Variants in ZNF407 observed in about 807,000 individuals in gnomAD.
ZNF407 encodes the protein zinc finger protein 407.
Under a neutral mutation model 131.2 loss-of-function variants are expected in ZNF407, and 17 were observed. The ratio of observed to expected loss-of-function variants is 0.13; its 90% CI spans 0.09 to 0.19. The LOEUF (loss-of-function observed/expected upper bound fraction) is 0.19. ZNF407 is among the 10% of genes least tolerant of loss of function. The pLI is 1.00. For missense variants in ZNF407, 2,681 were observed against 2,830.6 expected (o/e 0.95, Z 1.20); for synonymous variants, 1,156 against 1,062.0 (o/e 1.09, Z -1.72).
At chr18:75,013,279 C>A (rs1487216505) in intron 8 of ZNF407, among the ~76,000 whole-genome samples, 2 of 152,016 alleles carry the variant, frequency 1.3e-5, no homozygotes, top group Non-Finnish European at 2.9e-5. Context: ...TCGTTTTTCT[C>A]TTTCTTAGAA....
At chr18:74,937,377 A>G (rs1972050682) in intron 8 of ZNF407, among the ~76,000 whole-genome samples, 1 of 152,250 alleles carries the variant, frequency 6.6e-6, no homozygotes, top group Non-Finnish European at 1.5e-5. Flanking sequence ...GGTAGAAAAA[A>G]TGAGGTAAAA....
chr18:74,772,885 C>A (rs932444939), intron 3 of ZNF407, among the ~76,000 whole-genome samples: 5 of 152,004 alleles, frequency 3.3e-5, no homozygotes, highest in Non-Finnish European at 5.9e-5. Flanking sequence ...AAAGAAAAGT[C>A]TTGGTAGCAA....
chr18:74,845,994 T>C (rs1197507744), intron 4 of ZNF407, among the ~76,000 whole-genome samples: 1 of 152,184 alleles, frequency 6.6e-6, no homozygotes, highest in Non-Finnish European at 1.5e-5. Flanking sequence ...CTAAGTAAAA[T>C]AATTCCTTGA....
intron 7 of ZNF407, among the ~76,000 whole-genome samples, chr18:74,904,673 C>T (rs1006731000): frequency 1.3e-5 from 2 of 152,066 alleles, no homozygotes; most frequent in Non-Finnish European, 2.9e-5. Context: ...ATGTTAAAGT[C>T]GGTGCCGCTT....
intron 8 of ZNF407, among the ~76,000 whole-genome samples, chr18:74,997,641 T>C (rs1012786090): frequency 6.6e-6 from 1 of 152,140 alleles, no homozygotes; most frequent in Admixed American, 6.5e-5. Context: ...CTTTGGAATG[T>C]TGGGGACAGA....
chr18:74,597,960 C>CG (rs1025121052), intron 1 of ZNF407, 23 bp downstream of exon 1: 2 of 143,618 alleles, frequency 1.4e-5, no homozygotes, highest in Non-Finnish European at 3.0e-5. Flanking sequence ...CTGGCCGGGG[C>CG]GGGGGGTTTG....
intron 8 of ZNF407, among the ~76,000 whole-genome samples, chr18:75,050,925 T>A (rs1973493247): frequency 1.3e-5 from 2 of 152,226 alleles, no homozygotes; most frequent in African/African-American, 2.4e-5. Context: ...CTCTTTCTCT[T>A]ACCTGGAGGA....
rs115100581 is a variant in ZNF407, at chr18:74,750,347, G to A, written c.4803-31081G>A. 3.4e-3 allele frequency among the ~76,000 whole-genome samples: 516 copies of A among 152,240 alleles called. 2 individuals carry two copies. The highest frequency in any genetic ancestry group is 0.012 in the African/African-American group (503 of 41,530). On this transcript the variant is annotated intron_variant, in intron 3 of 8. Transcript: ENST00000299687. Reference sequence around the variant, plus strand: ...TTAAAATAAAACCTAAATGAGTGGTGCAGTATGTTCTTTTTCAGCTGAGGG... The same window carrying A: ...TTAAAATAAAACCTAAATGAGTGGTACAGTATGTTCTTTTTCAGCTGAGGG...
intron 4 of ZNF407, among the ~76,000 whole-genome samples, chr18:74,870,332 G>A (rs568980137): frequency 6.6e-6 from 1 of 152,166 alleles, no homozygotes; most frequent in South Asian, 2.1e-4. Flanking sequence ...TGTTAATTAG[G>A]CTAATTATCA....
At chr18:74,768,261 T>C (rs1404061981) in intron 3 of ZNF407, among the ~76,000 whole-genome samples, 3 of 152,188 alleles carry the variant, frequency 2.0e-5, no homozygotes, top group African/African-American at 7.2e-5. Context: ...CAGTCAAGTA[T>C]GGAGTGCTGG....
chr18:74,711,640 A>G (rs555047585), intron 3 of ZNF407, among the ~76,000 whole-genome samples: 163 of 152,336 alleles, frequency 1.1e-3, no homozygotes, highest in Non-Finnish European at 1.9e-3. Context: ...TGTGTGTTTT[A>G]CTAAGTTTGT....
At chr18:74,614,264 G>T (rs760125846) in intron 1 of ZNF407, among the ~76,000 whole-genome samples, 37 of 152,114 alleles carry the variant, frequency 2.4e-4, no homozygotes, top group Admixed American at 8.5e-4. Context: ...AATCTTCAGG[G>T]TACAAAATCT....
intron 3 of ZNF407, among the ~76,000 whole-genome samples, chr18:74,716,032 G>T (rs1967886118): frequency 6.6e-6 from 1 of 152,196 alleles, no homozygotes; most frequent in African/African-American, 2.4e-5. Flanking sequence ...ATCAGGAAAG[G>T]GTGCTGGGTT....
chr18:74,664,285 A>C (rs1368550081), intron 3 of ZNF407, among the ~76,000 whole-genome samples: 1 of 152,196 alleles, frequency 6.6e-6, no homozygotes, highest in African/African-American at 2.4e-5. Flanking sequence ...GGATCACCTG[A>C]GGTCAGGAGC....
intron 4 of ZNF407, among the ~76,000 whole-genome samples, chr18:74,865,600 T>C (rs1204297157): frequency 6.6e-6 from 1 of 152,196 alleles, no homozygotes; most frequent in East Asian, 1.9e-4. Context: ...AATGATAATG[T>C]TATTCCACAT....
At position 75,044,258 on chromosome 18, in the gene ZNF407, G is replaced by GA. The variant is rs375482760; in HGVS notation, c.5429-18884dup. Reference sequence around the variant, plus strand: ...CACTTGGGGGAAAGTCTCGCCTGTTGAAAAAAAACACTATATTCATGTGTT... The same window carrying GA: ...CACTTGGGGGAAAGTCTCGCCTGTTGAAAAAAAAACACTATATTCATGTGTT... On this transcript the variant is annotated intron_variant, in intron 8 of 8. Transcript: ENST00000299687. 2.1e-3 allele frequency among the ~76,000 whole-genome samples: 320 copies of GA among 150,454 alleles called. 1 individual carries two copies. Among genetic ancestry groups the GA allele is most frequent in the Middle Eastern group, 6.9e-3 (2 of 290 alleles).
intron 1 of ZNF407, among the ~76,000 whole-genome samples, chr18:74,598,702 G>A (rs1416191994): frequency 1.3e-5 from 2 of 152,258 alleles, no homozygotes; most frequent in Non-Finnish European, 2.9e-5. Flanking sequence ...ACTGCGGGGA[G>A]ACCCGCGGCT....
chr18:74,911,388 A>G (rs1971668130), intron 7 of ZNF407, among the ~76,000 whole-genome samples: 1 of 152,194 alleles, frequency 6.6e-6, no homozygotes, highest in African/African-American at 2.4e-5. Flanking sequence ...TAGAATTGTA[A>G]TTGTGTTAAC....
chr18:74,973,651 A>G (rs1280476212), intron 8 of ZNF407, among the ~76,000 whole-genome samples: 2 of 152,218 alleles, frequency 1.3e-5, no homozygotes, highest in Non-Finnish European at 2.9e-5. Flanking sequence ...CCATAACAAA[A>G]TGAGGGCCTT....
Sources: allele counts gnomAD v4.1 joint callset (sites outside exome capture counted in the v4.1 genomes callset), GRCh38; gene constraint gnomAD v4.1.1; transcripts MANE v1.5; gene names NCBI Gene and HGNC (gene_info 2026-07-23, HGNC 2026-07-21).